FYN: variants seen among roughly 807,000 people sequenced by gnomAD.
FYN encodes FYN proto-oncogene, Src family tyrosine kinase, also known as tyrosine-protein kinase Fyn.
A neutral mutation model predicts 70.2 loss-of-function variants in FYN; 10 were observed. The observed-to-expected ratio is 0.14, with a 90% CI of 0.09 to 0.24. FYN has a LOEUF of 0.24. FYN is among the 10% of genes least tolerant of loss of function. FYN has a pLI of 1.00. For missense variants in FYN, 319 were observed against 673.1 expected, an observed-to-expected ratio of 0.47 and a Z score of 5.82; for synonymous variants, 236 against 248.6, an observed-to-expected ratio of 0.95 and a Z score of 0.48.
At chr6:111,741,563 G>A (rs1801968420) in intron 3 of FYN, among the ~76,000 whole-genome samples, 1 of 151,786 alleles carries the variant, frequency 6.6e-6, no homozygotes, top group Non-Finnish European at 1.5e-5. Context: ...TAATAAACCA[G>A]TTTTTTTTCT....
intron 3 of FYN, among the ~76,000 whole-genome samples, chr6:111,757,507 G>A (rs1802792714): frequency 6.6e-6 from 1 of 152,156 alleles, no homozygotes; most frequent in Non-Finnish European, 1.5e-5. Flanking sequence ...CACATAAGCA[G>A]GAAGTCCAGG....
chr6:111,844,383 C>T (rs11970529), intron 2 of FYN, among the ~76,000 whole-genome samples: 4,558 of 152,262 alleles, frequency 0.03, 225 homozygotes, highest in African/African-American at 0.1. Flanking sequence ...TTTACTTATA[C>T]AACAGATGCA....
chr6:111,720,727 C>A (rs1264319140), intron 3 of FYN, among the ~76,000 whole-genome samples: 1 of 152,138 alleles, frequency 6.6e-6, no homozygotes, highest in African/African-American at 2.4e-5. Context: ...GTAATGAAAT[C>A]ACTTAAAGCT....
chr6:111,689,567 C>G (rs1476347978), intron 12 of FYN, among the ~76,000 whole-genome samples: 3 of 152,136 alleles, frequency 2.0e-5, no homozygotes, highest in Non-Finnish European at 4.4e-5. Context: ...AATGGAGGCT[C>G]TGTGATATAT....
intron 2 of FYN, among the ~76,000 whole-genome samples, chr6:111,796,624 T>A (rs1014097653): frequency 1.3e-5 from 2 of 152,186 alleles, no homozygotes; most frequent in Non-Finnish European, 2.9e-5. Flanking sequence ...ATGCATACTT[T>A]TTATCATACA....
chr6:111,837,028 T>G (rs962320585), intron 2 of FYN, among the ~76,000 whole-genome samples: 2 of 152,174 alleles, frequency 1.3e-5, no homozygotes, highest in Non-Finnish European at 2.9e-5. Flanking sequence ...GTCAAAAGTT[T>G]TTTGTCCTAC....
chr6:111,785,295 C>T (rs922588572), intron 2 of FYN, among the ~76,000 whole-genome samples: 3 of 152,212 alleles, frequency 2.0e-5, no homozygotes, highest in African/African-American at 7.2e-5. Context: ...AGCTCCTCTG[C>T]CACCCCCTAC....
intron 3 of FYN, among the ~76,000 whole-genome samples, chr6:111,746,453 G>A (rs1284803057): frequency 6.6e-6 from 1 of 152,120 alleles, no homozygotes; most frequent in African/African-American, 2.4e-5. Context: ...CTTATTTTAT[G>A]TGGCAAGTTT....
intron 12 of FYN, among the ~76,000 whole-genome samples, chr6:111,686,525 T>C (rs1799014216): frequency 6.6e-6 from 1 of 152,046 alleles, no homozygotes; most frequent in South Asian, 2.1e-4. Flanking sequence ...CACCACTGAG[T>C]TGGGAACACA....
chr6:111,712,597 G>A (rs1323685379), intron 5 of FYN, among the ~76,000 whole-genome samples: 1 of 152,162 alleles, frequency 6.6e-6, no homozygotes, highest in East Asian at 1.9e-4. Context: ...TTCCTAATCT[G>A]GGCCTCTGGC....
At chr6:111,753,335 T>G (rs1395187559) in intron 3 of FYN, among the ~76,000 whole-genome samples, 2 of 152,048 alleles carry the variant, frequency 1.3e-5, no homozygotes, top group African/African-American at 4.8e-5. Context: ...GATAGGAAAA[T>G]GTGGGCTAGA....
intron 2 of FYN, among the ~76,000 whole-genome samples, chr6:111,799,129 A>G (rs1771905326): frequency 6.6e-6 from 1 of 152,244 alleles, no homozygotes; most frequent in South Asian, 2.1e-4. Flanking sequence ...ATCTAATAAG[A>G]TTCACTTACA....
At chr6:111,834,764 C>T (rs1773125393) in intron 2 of FYN, among the ~76,000 whole-genome samples, 1 of 152,168 alleles carries the variant, frequency 6.6e-6, no homozygotes, top group African/African-American at 2.4e-5. Context: ...CCCAGGGTTG[C>T]CTCCTGTTCA....
intron 3 of FYN, among the ~76,000 whole-genome samples, chr6:111,738,401 A>T (rs1292470272): frequency 6.6e-6 from 1 of 152,156 alleles, no homozygotes; most frequent in East Asian, 1.9e-4. Context: ...TACAACCTCA[A>T]CTCACATCTG....
chr6:111,862,826 T>A (rs143371044), intron 1 of FYN, among the ~76,000 whole-genome samples: 1 of 152,130 alleles, frequency 6.6e-6, no homozygotes, highest in Non-Finnish European at 1.5e-5. Context: ...TGGGGGAAGC[T>A]TTTGAGAGTT....
At chr6:111,779,780 C>T (rs1218375267) in intron 3 of FYN, among the ~76,000 whole-genome samples, 1 of 152,196 alleles carries the variant, frequency 6.6e-6, no homozygotes, top group South Asian at 2.1e-4. Flanking sequence ...TCTTGGTAGC[C>T]TGACTTCAAT....
chr6:111,776,775 G>A (rs1270176961), intron 3 of FYN, among the ~76,000 whole-genome samples: 1 of 152,072 alleles, frequency 6.6e-6, no homozygotes, highest in Non-Finnish European at 1.5e-5. Context: ...TTTGCAGTGG[G>A]TTGTCCTATA....
chr6:111,762,653 T>C (rs1194804443), intron 3 of FYN, among the ~76,000 whole-genome samples: 1 of 152,210 alleles, frequency 6.6e-6, no homozygotes, highest in East Asian at 1.9e-4. Flanking sequence ...CCCTGATGTA[T>C]TTTGAAATGG....
At position 111,720,067 on chromosome 6, in the gene FYN, C is replaced by CAAAA; in HGVS notation, c.-11-6_-11-5insTTTT. On this transcript the variant is annotated splice_polypyrimidine_tract_variant and splice_region_variant and intron_variant, in intron 3 of 13. Transcript: ENST00000354650. Reference sequence around the variant, plus strand: ...CACAGCCCATTATCTAAATTCCTGCCAAAGACAAAAAAGGGGGCACGTAAG... The same window carrying CAAAA: ...CACAGCCCATTATCTAAATTCCTGCCAAAAAAAGACAAAAAAGGGGGCACGTAAG... The CAAAA allele has an allele frequency of 1.9e-6, 3 of 1,565,992 alleles. No homozygotes were observed. The highest frequency in any genetic ancestry group is 2.4e-5 in the South Asian group (2 of 84,476).
Sources: gnomAD v4.1 joint callset for allele counts (sites outside exome capture counted in the v4.1 genomes callset) on GRCh38, gnomAD v4.1.1 for gene constraint, MANE v1.5 for transcripts, NCBI Gene and HGNC (gene_info 2026-07-23, HGNC 2026-07-21) for gene names.